The following PPP1R11 variants were observed in gnomAD, a reference collection of about 807,000 sequenced individuals.
PPP1R11 encodes protein phosphatase 1 regulatory inhibitor subunit 11.
In PPP1R11, 10 loss-of-function variants were observed where a neutral mutation model predicts 11.3. That is an observed-to-expected ratio of 0.88 (90% CI 0.55 to 1.50). The LOEUF is 1.50. PPP1R11 is among the 40% of genes most tolerant of loss of function. PPP1R11 has a pLI of 0.00. For missense variants in PPP1R11, 114 were observed against 179.1 expected (o/e 0.64, Z 2.07); for synonymous variants, 56 against 62.3 (o/e 0.90, Z 0.48).
upstream of PPP1R11, chr6:30,061,924 G>A (rs1318019036): frequency 6.2e-7 from 1 of 1,613,120 alleles, no homozygotes; most frequent in Non-Finnish European, 8.5e-7. The surrounding 1 kb of genome is among the most constrained non-coding windows in gnomAD (Gnocchi z 5.0). Context: ...CAGACTTTGA[G>A]GGGAAGGTTG....
At chr6:30,065,514 T>A (rs962936115), upstream of PPP1R11, among the ~76,000 whole-genome samples, 2 of 152,200 alleles carry the variant, frequency 1.3e-5, no homozygotes, top group African/African-American at 4.8e-5. This position sits in a 1 kb window ranked among gnomAD's most constrained non-coding sequence, Gnocchi z 5.3. Flanking sequence ...TATAAGTATA[T>A]AATACATATA....
chr6:30,061,684 C>G, the PPP1R11 span: 1 of 1,612,662 alleles, frequency 6.2e-7, no homozygotes, highest in South Asian at 1.1e-5. This position sits in a 1 kb window ranked among gnomAD's most constrained non-coding sequence, Gnocchi z 5.0. Context: ...GAGGCTTGTA[C>G]GCAGGGGTCC....
chr6:30,062,714 C>CTTTTTTTTTTTTTTTT (rs9278555), upstream of PPP1R11, among the ~76,000 whole-genome samples: 2 of 42,384 alleles, frequency 4.7e-5, no homozygotes, highest in South Asian at 1.3e-3. Flanking sequence ...CCACGCCTGG[C>CTTTTTTTTTTTTTTTT]TTTTTTTTTT....
upstream of PPP1R11, among the ~76,000 whole-genome samples, chr6:30,066,026 C>A (rs534947688): frequency 2.0e-5 from 3 of 152,092 alleles, no homozygotes; most frequent in Non-Finnish European, 2.9e-5. Flanking sequence ...TCTTGTTTGA[C>A]CCCCACAGCA....
upstream of PPP1R11, chr6:30,062,213 T>C (rs747069882): frequency 6.2e-7 from 1 of 1,609,896 alleles, no homozygotes; most frequent in Admixed American, 1.7e-5. Context: ...AACCCACCAG[T>C]TTCTTCCCAG....
chr6:30,065,989 T>C, upstream of PPP1R11, among the ~76,000 whole-genome samples: 1 of 152,196 alleles, frequency 6.6e-6, no homozygotes, highest in Non-Finnish European at 1.5e-5. This position sits in a 1 kb window ranked among gnomAD's most constrained non-coding sequence, Gnocchi z 5.3. Flanking sequence ...GCCCTTTATA[T>C]ATATTCAGAG....
chr6:30,067,837 CA>C (rs1241601909), intron 1 of PPP1R11, among the ~76,000 whole-genome samples: 3 of 151,628 alleles, frequency 2.0e-5, no homozygotes, highest in African/African-American at 7.3e-5. Context: ...GCCAACTTAT[CA>C]ATATTATCAA....
At chr6:30,061,493 A>G in the PPP1R11 span, 8 of 1,609,862 alleles carry the variant, frequency 5.0e-6, no homozygotes, top group Non-Finnish European at 6.8e-6. This position sits in a 1 kb window ranked among gnomAD's most constrained non-coding sequence, Gnocchi z 5.0. Context: ...TTTTGTTAAT[A>G]AACTTCCAAC....
chr6:30,062,407 C>T (rs1015306050), upstream of PPP1R11: 92 of 1,010,130 alleles, frequency 9.1e-5, no homozygotes, highest in Middle Eastern at 2.0e-4. Flanking sequence ...TTTTTTTGTA[C>T]GAAATGGCCG....
chr6:30,061,512 C>A, the PPP1R11 span: 2 of 1,612,898 alleles, frequency 1.2e-6, no homozygotes, highest in Non-Finnish European at 1.7e-6. This position sits in a 1 kb window ranked among gnomAD's most constrained non-coding sequence, Gnocchi z 5.0. Context: ...ACTCCCTCCT[C>A]AGACCCGACC....
chr6:30,062,107 A>T, upstream of PPP1R11: 1 of 1,474,314 alleles, frequency 6.8e-7, no homozygotes, highest in Non-Finnish European at 9.5e-7. Context: ...TTTTGTGCCC[A>T]ATTCCAAGAG....
At chr6:30,068,971 G>A (rs932459950) in intron 2 of PPP1R11, 133 bp from the exon 3 acceptor site, 3 of 952,074 alleles carry the variant, frequency 3.2e-6, no homozygotes, top group Non-Finnish European at 4.8e-6. Flanking sequence ...GAGTCCCAGA[G>A]GGTGGGCCTG....
chr6:30,065,327 A>G (rs1413616155), upstream of PPP1R11, among the ~76,000 whole-genome samples: 1 of 152,140 alleles, frequency 6.6e-6, no homozygotes, highest in African/African-American at 2.4e-5. The surrounding 1 kb of genome is among the most constrained non-coding windows in gnomAD (Gnocchi z 5.3). Context: ...ATTTTCTTCT[A>G]CTTCTGAGAC....
In PPP1R11 at chr6:30,069,525, T is replaced by C; in HGVS notation, c.*219T>C. ...TCCTCCCAATACCCACCCTTCTCTC[T>C]CGAGGGATCTAGGCACCTTGGTCCC... On this transcript the variant is annotated 3_prime_UTR_variant, in exon 3 of 3. Coordinates refer to ENST00000376772, the MANE Select transcript of PPP1R11 (RefSeq NM_021959.3). The surrounding 1 kb of genome is among the most constrained non-coding windows in gnomAD (Gnocchi z 6.6). 2.1e-6 allele frequency: 1 copy of C among 468,060 alleles called. No individual in the cohort carries two copies. Among genetic ancestry groups the C allele is most frequent in the Non-Finnish European group, 3.8e-6 (1 of 266,342 alleles). 29.0% of individuals were successfully genotyped at this position (468,060 alleles called of 1,614,324 possible).
At position 30,067,473 on chromosome 6, in the gene PPP1R11, C is replaced by T. The variant is rs781549914; in HGVS notation, c.63C>T (p.Thr21=). 1.2e-6 allele frequency: 2 copies of T among 1,613,978 alleles called. No homozygotes were observed. The highest frequency in any genetic ancestry group is 1.1e-5 in the South Asian group (1 of 91,066). The part of the protein sequence containing the change: ...TVTETTVTVT[T]EPENRSLTIK... ...CTGAGACAACGGTTACCGTGACAACCGAGCCCGTGAGAAAGGCGGGGGGGC... is the reference window on the plus strand; with the variant it reads ...CTGAGACAACGGTTACCGTGACAACTGAGCCCGTGAGAAAGGCGGGGGGGC... Residue 21 remains threonine, a synonymous_variant, in exon 1 of 3, where the codon ACC becomes ACT. Transcript: ENST00000376772.
At position 30,068,570 on chromosome 6, in the gene PPP1R11, G is replaced by C; in HGVS notation, c.70-20G>C. 9 of 1,600,356 alleles carry C rather than the reference G, an allele frequency of 5.6e-6. No individual in the cohort carries two copies. The highest frequency in any genetic ancestry group is 7.7e-6 in the Non-Finnish European group (9 of 1,170,260). ...TAGTAAGAGGGGACTAGATAGGTATGCTCATCCTTAACCTTCTAGGAGAAC... is the reference window on the plus strand; with the variant it reads ...TAGTAAGAGGGGACTAGATAGGTATCCTCATCCTTAACCTTCTAGGAGAAC... On this transcript the variant is annotated intron_variant, in intron 1 of 2. Transcript: ENST00000376772.
At position 30,069,080 on chromosome 6, in the gene PPP1R11, C is replaced by A. The variant is rs1265119437; in HGVS notation, c.179-24C>A. On this transcript the variant is annotated intron_variant, in intron 2 of 2. Transcript: ENST00000376772. This position sits in a 1 kb window ranked among gnomAD's most constrained non-coding sequence, Gnocchi z 6.6. ...ATATCTTACCCTTCCTCCTCTTTAACTGGGCTCCTCCCTCTAAATCTAGGC... is the reference window on the plus strand; with the variant it reads ...ATATCTTACCCTTCCTCCTCTTTAAATGGGCTCCTCCCTCTAAATCTAGGC... 1 of 1,556,030 alleles carries A rather than the reference C, an allele frequency of 6.4e-7. No individual in the cohort carries two copies. The highest frequency in any genetic ancestry group is 1.1e-5 in the South Asian group (1 of 89,844).
chr6:30,066,593 C>T (rs1472879051), upstream of PPP1R11: 1 of 152,182 alleles, frequency 6.6e-6, no homozygotes, highest in Non-Finnish European at 1.5e-5. Flanking sequence ...CCTGTCTTTC[C>T]TACTAGAGCT....
chr6:30,063,701 T>A (rs541162769), upstream of PPP1R11, among the ~76,000 whole-genome samples: 2 of 152,310 alleles, frequency 1.3e-5, no homozygotes, highest in South Asian at 4.1e-4. This position sits in a 1 kb window ranked among gnomAD's most constrained non-coding sequence, Gnocchi z 4.1. Context: ...ACTTGAACTG[T>A]AGGAATTCTT....
Sources: allele counts gnomAD v4.1 joint callset (sites outside exome capture counted in the v4.1 genomes callset), GRCh38; gene constraint gnomAD v4.1.1; non-coding constraint Gnocchi (gnomAD v3.1); transcripts MANE v1.5; gene names NCBI Gene and HGNC (gene_info 2026-07-23, HGNC 2026-07-21).